Variants in SLC19A1 observed in about 807,000 individuals in gnomAD.
SLC19A1 encodes the protein reduced folate transporter.
Under a neutral mutation model 35.3 loss-of-function variants are expected in SLC19A1, and 37 were observed. The ratio of observed to expected loss-of-function variants is 1.05; its 90% confidence interval spans 0.81 to 1.38. The LOEUF (loss-of-function observed/expected upper bound fraction) is 1.38, where lower values mean the gene tolerates loss of function less well. SLC19A1 is among the 40% of genes most tolerant of loss of function. The pLI is 0.00. For synonymous variants in SLC19A1, 460 were observed against 398.5 expected (o/e 1.15, Z -1.84); for missense variants, 831 against 826.9 (o/e 1.00, Z -0.06).
At chr21:45,506,562 G>C (rs984431331) in intron 3 of SLC19A1, 1 of 190,062 alleles carries the variant, frequency 5.3e-6, no homozygotes, top group East Asian at 1.3e-4. Flanking sequence ...AGGTGGGTGC[G>C]GCCATGCTTG....
chr21:45,506,441 C>T (rs901242979), intron 3 of SLC19A1: 4 of 278,692 alleles, frequency 1.4e-5, no homozygotes, highest in Non-Finnish European at 2.8e-5. Flanking sequence ...ACGGGCCTTG[C>T]TCACCAGCCT....
In SLC19A1 at chr21:45,514,975, G is replaced by A. The variant is rs1183741245; in HGVS notation, c.*683C>T. 2.7e-6 allele frequency: 4 copies of A among 1,497,550 alleles called. No individual in the cohort carries two copies. The highest frequency in any genetic ancestry group is 3.5e-6 in the Non-Finnish European group (4 of 1,127,364). The allele number at this position is 1,497,550 out of a possible 1,614,324, so 92.8% of individuals were successfully genotyped here. ...TGTGGGAGCAGCTGAGGACCCGCAGGTCAGGATGGACACACTTCAGAAGGA... is the reference window on the plus strand; with the variant it reads ...TGTGGGAGCAGCTGAGGACCCGCAGATCAGGATGGACACACTTCAGAAGGA... On this transcript the variant is annotated 3_prime_UTR_variant, in exon 6 of 6. Transcript: ENST00000311124.
chr21:45,555,146 G>A (rs1412492974), intron 1 of SLC19A1, among the ~76,000 whole-genome samples: 8 of 116,002 alleles, frequency 6.9e-5, no homozygotes, highest in Non-Finnish European at 1.4e-4. Context: ...CGCAGGGGGC[G>A]GTGCAGGGGG....
intron 5 of SLC19A1, among the ~76,000 whole-genome samples, chr21:45,519,570 C>CAAAAAAAAAAAAAAAAAAAAAA: frequency 1.7e-5 from 1 of 57,230 alleles, no homozygotes. Context: ...AACTTCTGAG[C>CAAAAAAAAAAAAAAAAAAAAAA]AAAAAAAAAA....
In SLC19A1 at chr21:45,530,747, C is replaced by A. The variant is rs1193262239; in HGVS notation, c.1151+23G>T. 2.1e-5 allele frequency: 32 copies of A among 1,547,774 alleles called. No individual in the cohort carries two copies. The highest frequency in any genetic ancestry group is 2.7e-5 in the Non-Finnish European group (31 of 1,145,662). On this transcript the variant is annotated intron_variant, in intron 4 of 5. Coordinates refer to ENST00000311124, the MANE Select transcript of SLC19A1 (RefSeq NM_194255.4). The surrounding 1 kb of genome is among the most constrained non-coding windows in gnomAD (Gnocchi z 5.3). ...GATCCTGGCGCCTGCCCGCCCCCGG[C>A]TTCCCACCCTTCTGGAACTCACGTG... is the stretch of plus-strand genomic sequence containing the variant.
In SLC19A1 at chr21:45,505,250, C is replaced by T. The variant is rs1241816461; in HGVS notation, c.498-6638G>A. The T allele has an allele frequency of 6.2e-6, 10 of 1,606,070 alleles. No homozygotes were observed. The African/African-American group carries it at 9.4e-5, about 15-fold the overall frequency. ...CCGGCCCCCCAGGCCCCCCAGGGCC[C>T]CCTTCATTTCCTGGCCCTCACAGGC... On this transcript the variant is annotated intron_variant, in intron 3 of 4. Coordinates refer to the SLC19A1 transcript ENST00000417954.
intron 1 of SLC19A1, among the ~76,000 whole-genome samples, chr21:45,557,033 C>A (rs2146511690): frequency 6.6e-6 from 1 of 152,324 alleles, no homozygotes; most frequent in South Asian, 2.1e-4. Flanking sequence ...ACCATGTAAC[C>A]TCCCCTGGGC....
chr21:45,531,561 C>T lies in SLC19A1; in HGVS notation c.777G>A (p.Gly259=). 6.2e-7 allele frequency: 1 copy of T among 1,612,368 alleles called. No individual in the cohort carries two copies. The highest frequency in any genetic ancestry group is 1.1e-5 in the South Asian group (1 of 91,034). The part of the protein sequence containing the change: ...SVLARMLREL[G]DSLRRPQLRL... ...GCAGCTGCGGCCGCCGCAGGCTGTC[C>T]CCCAGCTCCCGCAGCATCCGCGCCA... Residue 259 remains glycine (G), a synonymous_variant, in exon 3 of 6, where the codon GGG becomes GGA. Transcript: ENST00000311124.
At position 45,531,454 on chromosome 21, in the gene SLC19A1, A is replaced by C; in HGVS notation, c.884T>G (p.Val295Gly). ...VYYVHILWNE[V>G]DPTTNSARVY... is the part of the protein sequence containing the mutation. ...CCGCGCACTGTTGGTGGTGGGGTCC[A>C]CCTCGTTCCACAGGATGTGCACGTA... Residue 295 changes from valine to glycine, a missense_variant, in exon 3 of 6, where the codon GTG becomes GGG. Val to Gly is a moderately radical substitution (Grantham distance 109, BLOSUM62 -3). Transcript: ENST00000311124. The C allele has an allele frequency of 1.2e-6, 2 of 1,612,224 alleles. No individual in the cohort carries two copies.
intron 1 of SLC19A1, among the ~76,000 whole-genome samples, chr21:45,550,993 C>T (rs1050919116): frequency 2.0e-5 from 3 of 149,488 alleles, no homozygotes; most frequent in Non-Finnish European, 4.5e-5. Flanking sequence ...ATTCTCCTCC[C>T]CACAACACCC....
At chr21:45,506,173 G>C (rs889842394) in intron 3 of SLC19A1, 1 of 673,906 alleles carries the variant, frequency 1.5e-6, no homozygotes, top group South Asian at 1.8e-5. Flanking sequence ...TCAAGCTTCT[G>C]AAAGTGGATG....
At chr21:45,553,612 A>C (rs1602948640) in intron 1 of SLC19A1, among the ~76,000 whole-genome samples, 4 of 134,986 alleles carry the variant, frequency 3.0e-5, no homozygotes, top group Non-Finnish European at 4.8e-5. Flanking sequence ...CCCAAGACAC[A>C]CTCACCCCCA....
In SLC19A1 at chr21:45,514,909, T is replaced by C; in HGVS notation, c.*749A>G. 7.9e-7 allele frequency: 1 copy of C among 1,260,080 alleles called. No individual in the cohort carries two copies. The highest frequency in any genetic ancestry group is 1.1e-6 in the Non-Finnish European group (1 of 940,454). The allele number at this position is 1,260,080 out of a possible 1,614,324, so 78.1% of individuals were successfully genotyped here. ...CCTGGCACATACCAAGGCCAGCACG[T>C]CCGCGGTGACCGGGACCAGTCCCCT... is the stretch of plus-strand genomic sequence containing the variant. On this transcript the variant is annotated 3_prime_UTR_variant, in exon 6 of 6. Coordinates refer to ENST00000311124, the MANE Select transcript of SLC19A1 (RefSeq NM_194255.4).
chr21:45,509,178 G>A (rs1284049216), downstream of SLC19A1, among the ~76,000 whole-genome samples: 2 of 152,056 alleles, frequency 1.3e-5, no homozygotes, highest in Non-Finnish European at 2.9e-5. Context: ...ACGGCAGGCA[G>A]GACTCCCCAC....
At chr21:45,550,496 C>T (rs555121503) in intron 1 of SLC19A1, among the ~76,000 whole-genome samples, 1 of 152,180 alleles carries the variant, frequency 6.6e-6, no homozygotes, top group African/African-American at 2.4e-5. Context: ...ACTACACGGT[C>T]TTATTAGATC....
intron 3 of SLC19A1, chr21:45,503,886 C>G (rs574719267): frequency 4.5e-6 from 4 of 887,948 alleles, no homozygotes; most frequent in Admixed American, 1.9e-5. Flanking sequence ...TAATTAAATA[C>G]GCGATCTCTA....
upstream of SLC19A1, among the ~76,000 whole-genome samples, chr21:45,548,170 G>A (rs114187298): frequency 2.0e-3 from 307 of 152,324 alleles, 2 homozygotes; most frequent in African/African-American, 7.0e-3. Context: ...TTTGGGGAAA[G>A]GGTGGTCTCT....
rs1037611610 is a variant in SLC19A1 at position 45,505,082 on chromosome 21, C to T, written c.498-6470G>A. 9 of 1,588,758 alleles carry T rather than the reference C, an allele frequency of 5.7e-6. No homozygotes were observed. In the African/African-American group the frequency reaches 1.2e-4, roughly 21 times the overall value. ...CTGCAGCCCCACAAGCTTGCCCGCCCCCAGTCCAGGGCACGAGGTAACCAG... is the reference window on the plus strand; with the variant it reads ...CTGCAGCCCCACAAGCTTGCCCGCCTCCAGTCCAGGGCACGAGGTAACCAG... On this transcript the variant is annotated intron_variant, in intron 3 of 4. Coordinates refer to the SLC19A1 transcript ENST00000417954.
At chr21:45,509,374 T>A, downstream of SLC19A1, 1 of 1,543,146 alleles carries the variant, frequency 6.5e-7, no homozygotes, top group Admixed American at 1.9e-5. Flanking sequence ...AGTGGCCGCC[T>A]TGCAGCCCCC....
Sources: allele counts gnomAD v4.1 joint callset (sites outside exome capture counted in the v4.1 genomes callset), GRCh38; gene constraint gnomAD v4.1.1; non-coding constraint Gnocchi (gnomAD v3.1); transcripts MANE v1.5; gene names NCBI Gene and HGNC (gene_info 2026-07-23, HGNC 2026-07-21).